The following ADAMTSL1 variants were observed in gnomAD, a reference collection of about 807,000 sequenced individuals.
The protein encoded by ADAMTSL1 is ADAMTS-like protein 1.
A neutral mutation model predicts 201.8 loss-of-function variants in ADAMTSL1; 126 were observed. That is an observed-to-expected ratio of 0.62 (90% confidence interval 0.54 to 0.72). The LOEUF (loss-of-function observed/expected upper bound fraction) is 0.72, where lower values mean the gene tolerates loss of function less well. ADAMTSL1 is among the 30% of genes least tolerant of loss of function. The pLI is 0.00. For missense variants in ADAMTSL1, 2,679 were observed against 2,277.8 expected (o/e 1.18, Z -3.59); for synonymous variants, 1,121 against 903.4 (o/e 1.24, Z -4.32).
At chr9:18,639,466 A>G in intron 7 of ADAMTSL1, 55 bp downstream of exon 7, 1 of 1,577,412 alleles carries the variant, frequency 6.3e-7, no homozygotes, top group East Asian at 2.3e-5. Flanking sequence ...GATGTTACTT[A>G]TAATTTCCTG....
chr9:18,039,017 C>G (rs563807108), intron 1 of ADAMTSL1, among the ~76,000 whole-genome samples: 1 of 152,250 alleles, frequency 6.6e-6, no homozygotes, highest in African/African-American at 2.4e-5. Flanking sequence ...AAAGCACTAA[C>G]CCAGAGCCTA....
At chr9:18,711,394 GTGC>G (rs1300478017) in intron 14 of ADAMTSL1, among the ~76,000 whole-genome samples, 18 of 152,236 alleles carry the variant, frequency 1.2e-4, no homozygotes, top group Admixed American at 2.0e-4. Flanking sequence ...TGAGCACACC[GTGC>G]GCGAGCCGAA....
rs539882738 is a variant in ADAMTSL1 at position 18,896,427 on chromosome 9, A to G, written c.4851+3831A>G. 3.3e-5 allele frequency among the ~76,000 whole-genome samples: 5 copies of G among 152,312 alleles called. No individual in the cohort carries two copies. In the South Asian group the frequency reaches 8.3e-4, roughly 25 times the overall value. On this transcript the variant is annotated intron_variant, in intron 26 of 28. Transcript: ENST00000380548. ...GGAATTATGTATTTGAAGTGCAGAAAGAGGGGGAGGGGCCAAGATGGCTGA... is the reference window on the plus strand; with the variant it reads ...GGAATTATGTATTTGAAGTGCAGAAGGAGGGGGAGGGGCCAAGATGGCTGA...
intron 2 of ADAMTSL1, among the ~76,000 whole-genome samples, chr9:18,220,982 C>T (rs1452566618): frequency 1.3e-5 from 2 of 151,964 alleles, no homozygotes; most frequent in Admixed American, 1.3e-4. Context: ...GCCATGTTGC[C>T]CAGGCTGGTC....
At chr9:18,097,920 G>C (rs1824325976) in intron 1 of ADAMTSL1, among the ~76,000 whole-genome samples, 1 of 151,556 alleles carries the variant, frequency 6.6e-6, no homozygotes, top group South Asian at 2.1e-4. Flanking sequence ...AAATGGTGAG[G>C]ATTTTTTCCT....
chr9:17,916,302 C>T (rs1826092161), intron 1 of ADAMTSL1, among the ~76,000 whole-genome samples: 1 of 152,136 alleles, frequency 6.6e-6, no homozygotes, highest in Non-Finnish European at 1.5e-5. Context: ...TAACAGTGTC[C>T]TTTGCTTGGC....
intron 1 of ADAMTSL1, among the ~76,000 whole-genome samples, chr9:18,119,706 T>G (rs915468745): frequency 6.6e-6 from 1 of 152,124 alleles, no homozygotes; most frequent in African/African-American, 2.4e-5. Flanking sequence ...GGTGGGCTGC[T>G]GAATTAGGAG....
intron 2 of ADAMTSL1, among the ~76,000 whole-genome samples, chr9:18,237,687 G>T (rs958644047): frequency 6.6e-6 from 1 of 152,176 alleles, no homozygotes; most frequent in Admixed American, 6.6e-5. Context: ...GTAGTCAACT[G>T]AATCTTTTTT....
At chr9:18,683,862 T>G (rs1434664728) in intron 12 of ADAMTSL1, among the ~76,000 whole-genome samples, 51 of 152,186 alleles carry the variant, frequency 3.4e-4, no homozygotes, top group Admixed American at 3.3e-3. Flanking sequence ...TACCATATAA[T>G]TCTATGGTGC....
chr9:18,236,423 T>A (rs1348768188), intron 2 of ADAMTSL1, among the ~76,000 whole-genome samples: 1 of 152,210 alleles, frequency 6.6e-6, no homozygotes, highest in African/African-American at 2.4e-5. Flanking sequence ...GTTCTAGCTG[T>A]ATCTATATAT....
At chr9:18,893,879 G>C (rs975800213) in intron 26 of ADAMTSL1, among the ~76,000 whole-genome samples, 1 of 152,194 alleles carries the variant, frequency 6.6e-6, no homozygotes, top group African/African-American at 2.4e-5. Context: ...GTAAAACTAA[G>C]ACCACCTTCT....
At chr9:18,667,681 A>G (rs7029284) in intron 9 of ADAMTSL1, among the ~76,000 whole-genome samples, 4,622 of 152,238 alleles carry the variant, frequency 0.03, 220 homozygotes, top group African/African-American at 0.1. Flanking sequence ...CAGCTATATA[A>G]TGACTAAGAT....
intron 4 of ADAMTSL1, among the ~76,000 whole-genome samples, chr9:18,606,297 C>A (rs1036063746): frequency 2.6e-5 from 4 of 152,108 alleles, no homozygotes; most frequent in Non-Finnish European, 5.9e-5. Context: ...GCCTTGGAAT[C>A]TTTTTGAAAG....
At chr9:18,577,312 C>T (rs898690558) in intron 4 of ADAMTSL1, among the ~76,000 whole-genome samples, 4 of 152,084 alleles carry the variant, frequency 2.6e-5, no homozygotes, top group African/African-American at 7.2e-5. Flanking sequence ...ACGGCGAAAC[C>T]CTGTCTGTAC....
At chr9:18,212,213 T>G (rs2132320772) in intron 2 of ADAMTSL1, among the ~76,000 whole-genome samples, 1 of 152,254 alleles carries the variant, frequency 6.6e-6, no homozygotes. Flanking sequence ...CTGGTCCCCT[T>G]GAAGAAGACT....
At chr9:18,096,318 T>G (rs1240468637) in intron 1 of ADAMTSL1, among the ~76,000 whole-genome samples, 1 of 152,234 alleles carries the variant, frequency 6.6e-6, no homozygotes, top group Non-Finnish European at 1.5e-5. Flanking sequence ...TTTATCTCAC[T>G]CTTAGTTCTA....
chr9:18,314,243 T>C (rs1462817381), intron 2 of ADAMTSL1, among the ~76,000 whole-genome samples: 1 of 152,178 alleles, frequency 6.6e-6, no homozygotes, highest in Non-Finnish European at 1.5e-5. Flanking sequence ...GAAGGGAATG[T>C]AAATTAGTTC....
intron 1 of ADAMTSL1, among the ~76,000 whole-genome samples, chr9:17,968,611 CACAA>C (rs891591715): frequency 6.6e-6 from 1 of 152,128 alleles, no homozygotes; most frequent in African/African-American, 2.4e-5. Context: ...TGTTCTCCCA[CACAA>C]ACAATGTGGT....
At chr9:18,010,261 A>G (rs766699991) in intron 1 of ADAMTSL1, among the ~76,000 whole-genome samples, 3 of 152,122 alleles carry the variant, frequency 2.0e-5, no homozygotes, top group Non-Finnish European at 4.4e-5. Context: ...CATAGTAGAA[A>G]AATTGCCAGA....
Sources: gnomAD v4.1 joint callset for allele counts (sites outside exome capture counted in the v4.1 genomes callset) on GRCh38, gnomAD v4.1.1 for gene constraint, MANE v1.5 for transcripts, NCBI Gene and HGNC (gene_info 2026-07-23, HGNC 2026-07-21) for gene names.